SUSD1: variants seen among roughly 807,000 people sequenced by gnomAD.
SUSD1 encodes sushi domain containing 1, also known as sushi domain-containing protein 1.
In SUSD1, 65 loss-of-function variants were observed where a neutral mutation model predicts 86.9. That is an observed-to-expected ratio of 0.75 (90% CI 0.61 to 0.92). SUSD1 has a LOEUF of 0.92. Ranked by LOEUF, SUSD1 falls within the 40% of genes least tolerant of loss-of-function variation. SUSD1 has a pLI of 0.00. For missense variants in SUSD1, 850 were observed against 929.7 expected, an observed-to-expected ratio of 0.91 and a Z score of 1.11; for synonymous variants, 346 against 350.0, an observed-to-expected ratio of 0.99 and a Z score of 0.13.
At position 112,150,565 on chromosome 9, in the gene SUSD1, G is replaced by A. The variant is rs1046286573; in HGVS notation, c.218-1166C>T. On this transcript the variant is annotated intron_variant, in intron 2 of 16. Coordinates refer to ENST00000374270, the MANE Select transcript of SUSD1 (RefSeq NM_022486.5). The stretch of plus-strand genomic sequence containing the variant: ...ACTTAATGATGGGGACACATACTGA[G>A]GATTGTGTCATTAGGCAAGTTCATG... Among the ~76,000 whole-genome samples the A allele has an allele frequency of 3.3e-5, 5 of 152,182 alleles. No homozygotes were observed. In the East Asian group the frequency reaches 9.7e-4, roughly 29 times the overall value.
At chr9:112,118,681 C>T (rs1831428521) in intron 6 of SUSD1, among the ~76,000 whole-genome samples, 1 of 152,152 alleles carries the variant, frequency 6.6e-6, no homozygotes, top group Non-Finnish European at 1.5e-5. Flanking sequence ...GACGGGGTTT[C>T]ACCATGTTGG....
At chr9:112,157,651 G>A (rs746225149) in intron 1 of SUSD1, 38 bp from the exon 2 acceptor site, 2 of 1,544,418 alleles carry the variant, frequency 1.3e-6, no homozygotes, top group Non-Finnish European at 1.8e-6. Context: ...AAAGAAAAAT[G>A]CAAGATGAGA....
chr9:112,082,084 T>G (rs1054609311), intron 10 of SUSD1, among the ~76,000 whole-genome samples: 1 of 152,106 alleles, frequency 6.6e-6, no homozygotes, highest in Non-Finnish European at 1.5e-5. Flanking sequence ...CTGAGCCTTA[T>G]TCAAGAGATT....
At chr9:112,108,775 A>C (rs1243214665) in intron 8 of SUSD1, among the ~76,000 whole-genome samples, 1 of 48,204 alleles carries the variant, frequency 2.1e-5, no homozygotes, top group African/African-American at 2.7e-4. Flanking sequence ...TGGGTGTCTC[A>C]AAAAAAAAAA....
At chr9:112,129,314 G>T (rs1831915982) in intron 5 of SUSD1, among the ~76,000 whole-genome samples, 1 of 151,992 alleles carries the variant, frequency 6.6e-6, no homozygotes, top group Admixed American at 6.6e-5. Context: ...TGTTTCAGGG[G>T]ATTTTGTTTT....
intron 10 of SUSD1, among the ~76,000 whole-genome samples, chr9:112,085,430 A>T (rs1829936418): frequency 6.6e-6 from 1 of 152,184 alleles, no homozygotes; most frequent in Non-Finnish European, 1.5e-5. Flanking sequence ...CACGATATGG[A>T]TATTGTTATT....
intron 2 of SUSD1, among the ~76,000 whole-genome samples, chr9:112,155,929 A>T (rs1409158880): frequency 6.6e-6 from 1 of 150,984 alleles, no homozygotes; most frequent in Non-Finnish European, 1.5e-5. Flanking sequence ...GAGGAAGAAG[A>T]AGGAAGAGAA....
At chr9:112,069,635 G>A (rs1042377859) in intron 12 of SUSD1, among the ~76,000 whole-genome samples, 7 of 152,154 alleles carry the variant, frequency 4.6e-5, no homozygotes. Context: ...TCTCAGCCAA[G>A]GTGGAGATTA....
At chr9:112,170,710 T>TATAGAGAGAGAGAGAGAG (rs758442726) in intron 1 of SUSD1, among the ~76,000 whole-genome samples, 4 of 113,826 alleles carry the variant, frequency 3.5e-5, no homozygotes, top group East Asian at 2.4e-4. Context: ...TATATATATA[T>TATAGAGAGAGAGAGAGAG]AGAGAGAGAG....
chr9:112,115,808 C>CAAAAAAAAAAAAAAAAAA (rs1406590665), intron 6 of SUSD1, among the ~76,000 whole-genome samples: 2 of 59,600 alleles, frequency 3.4e-5, no homozygotes, highest in Admixed American at 2.1e-4. Flanking sequence ...GACTCCATTG[C>CAAAAAAAAAAAAAAAAAA]AAAAAAAAAA....
chr9:112,123,677 G>A (rs529654105), intron 6 of SUSD1, among the ~76,000 whole-genome samples: 27 of 152,164 alleles, frequency 1.8e-4, no homozygotes, highest in South Asian at 8.3e-4. Context: ...GTGGGCACCT[G>A]TATTCCCAGC....
chr9:112,086,536 A>C (rs933246048), intron 10 of SUSD1, among the ~76,000 whole-genome samples: 3 of 135,070 alleles, frequency 2.2e-5, no homozygotes, highest in African/African-American at 8.5e-5. Flanking sequence ...GAGAGAGAGA[A>C]AAAAAGAAAG....
intron 1 of SUSD1, among the ~76,000 whole-genome samples, chr9:112,161,164 G>A (rs1374484164): frequency 6.6e-6 from 1 of 152,054 alleles, no homozygotes; most frequent in East Asian, 1.9e-4. Context: ...GATCACTCGA[G>A]GTCAGGAGTT....
chr9:112,108,577 A>G (rs2131635839), intron 8 of SUSD1, among the ~76,000 whole-genome samples: 1 of 152,238 alleles, frequency 6.6e-6, no homozygotes, highest in South Asian at 2.1e-4. Flanking sequence ...CAGAAGTTCA[A>G]GACCAGCCTG....
At chr9:112,161,331 GA>G (rs755654561) in intron 1 of SUSD1, among the ~76,000 whole-genome samples, 4 of 150,206 alleles carry the variant, frequency 2.7e-5, no homozygotes, top group Admixed American at 1.3e-4. Flanking sequence ...AGTGAGCCAA[GA>G]TAGCACCACT....
At chr9:112,166,546 G>A (rs914217417) in intron 1 of SUSD1, among the ~76,000 whole-genome samples, 1 of 152,164 alleles carries the variant, frequency 6.6e-6, no homozygotes, top group Non-Finnish European at 1.5e-5. Context: ...GAATCCTGGG[G>A]AAAGAAAAGG....
At chr9:112,079,760 G>A (rs1043261001) in intron 11 of SUSD1, among the ~76,000 whole-genome samples, 5 of 151,926 alleles carry the variant, frequency 3.3e-5, no homozygotes, top group African/African-American at 7.3e-5. Context: ...GCGCCACTAC[G>A]CTCGGCTAAT....
intron 9 of SUSD1, among the ~76,000 whole-genome samples, chr9:112,101,369 A>G (rs550414257): frequency 7.2e-5 from 11 of 151,866 alleles, no homozygotes; most frequent in African/African-American, 2.4e-4. Context: ...CTCAAAAAAG[A>G]AAAAAAAATT....
chr9:112,075,623 T>C (rs1829483499), intron 12 of SUSD1, among the ~76,000 whole-genome samples: 1 of 152,102 alleles, frequency 6.6e-6, no homozygotes, highest in Admixed American at 6.5e-5. Flanking sequence ...TGAGCGCCTA[T>C]AGTCCCAGCT....
Sources: allele counts gnomAD v4.1 joint callset (sites outside exome capture counted in the v4.1 genomes callset), GRCh38; gene constraint gnomAD v4.1.1; transcripts MANE v1.5; gene names NCBI Gene and HGNC (gene_info 2026-07-23, HGNC 2026-07-21).